Variants in SLC25A10 observed in about 807,000 individuals in gnomAD.
The protein encoded by SLC25A10 is mitochondrial dicarboxylate carrier.
Under a neutral mutation model 40.4 loss-of-function variants are expected in SLC25A10, and 32 were observed. The ratio of observed to expected loss-of-function variants is 0.79; its 90% confidence interval spans 0.60 to 1.06. The LOEUF (loss-of-function observed/expected upper bound fraction) is 1.06, where lower values mean the gene tolerates loss of function less well. Among genes scored for constraint, SLC25A10 ranks in the 50% least tolerant of loss-of-function variants. The probability of loss-of-function intolerance (pLI) is 0.00; values close to 1 mark genes in which losing one functional copy is unlikely to be tolerated. For synonymous variants in SLC25A10, 181 were observed against 171.1 expected, an observed-to-expected ratio of 1.06 and a Z score of -0.45; for missense variants, 394 against 402.6, an observed-to-expected ratio of 0.98 and a Z score of 0.18.
chr17:81,713,631 G>C (rs536195192), intron 1 of SLC25A10: 1 of 305,636 alleles, frequency 3.3e-6, no homozygotes, highest in Admixed American at 6.5e-5. Flanking sequence ...GAAGGCGCTG[G>C]CATGGGCAGA....
In SLC25A10 at chr17:81,715,498, G is replaced by A; in HGVS notation, c.234G>A (p.Arg78=). 1.2e-6 allele frequency: 2 copies of A among 1,612,774 alleles called. No homozygotes were observed. The highest frequency in any genetic ancestry group is 4.5e-5 in the East Asian group (2 of 44,864). ...LCRQMTYSLT[R]FAIYETVRDR... is the part of the protein sequence containing the mutation. ...CCCAGATGACCTACTCCCTGACTCGGTTCGCCATCTACGAGACTGTGCGGG... is the reference window on the plus strand; with the variant it reads ...CCCAGATGACCTACTCCCTGACTCGATTCGCCATCTACGAGACTGTGCGGG... Residue 78 remains arginine (R), a synonymous_variant, in exon 3 of 11, where the codon CGG becomes CGA. Coordinates refer to ENST00000350690, the MANE Select transcript of SLC25A10 (RefSeq NM_012140.5).
chr17:81,718,528 G>T (rs1300882788), intron 9 of SLC25A10, among the ~76,000 whole-genome samples: 3 of 152,218 alleles, frequency 2.0e-5, no homozygotes, highest in African/African-American at 7.2e-5. Flanking sequence ...GGTGGTGCAT[G>T]CCTGTAGTTC....
In SLC25A10 at chr17:81,716,869, G is replaced by A; in HGVS notation, c.463+14G>A. Reference sequence around the variant, plus strand: ...TAGCTCGTGAAGGTGAGGGGCAGGTGCTGTGCACAGGCAGGGTTCTGGGGG... The same window carrying A: ...TAGCTCGTGAAGGTGAGGGGCAGGTACTGTGCACAGGCAGGGTTCTGGGGG... On this transcript the variant is annotated intron_variant, in intron 6 of 10. Transcript: ENST00000350690. The A allele has an allele frequency of 6.2e-7, 1 of 1,610,936 alleles. No homozygotes were observed. Among genetic ancestry groups the A allele is most frequent in the Non-Finnish European group, 8.5e-7 (1 of 1,178,878 alleles).
At position 81,714,887 on chromosome 17, in the gene SLC25A10, C is replaced by G. The variant is rs768566123; in HGVS notation, c.94-66C>G. The G allele has an allele frequency of 1.9e-6, 3 of 1,579,464 alleles. No individual in the cohort carries two copies. The African/African-American group carries it at 4.1e-5, about 22-fold the overall frequency. The stretch of plus-strand genomic sequence containing the variant: ...CTGCCTCCTGCCTCAGTTTCCCCCT[C>G]TCTGGATGAACCTGGCACCGATCCC... On this transcript the variant is annotated intron_variant, in intron 1 of 10. Coordinates refer to ENST00000350690, the MANE Select transcript of SLC25A10 (RefSeq NM_012140.5).
At position 81,714,946 on chromosome 17, in the gene SLC25A10, C is replaced by A. The variant is rs756570550; in HGVS notation, c.94-7C>A. 6 of 1,606,838 alleles carry A rather than the reference C, an allele frequency of 3.7e-6. No individual in the cohort carries two copies. The highest frequency in any genetic ancestry group is 1.1e-5 in the South Asian group (1 of 90,966). ...GCTGTGGGGTCTGAGAGCACTCACT[C>A]CCGCAGGTGCATCTGCAGACGCAGC... On this transcript the variant is annotated splice_polypyrimidine_tract_variant and splice_region_variant and intron_variant, in intron 1 of 10. Transcript: ENST00000350690.
chr17:81,716,172 C>T, intron 5 of SLC25A10, 122 bp downstream of exon 5: 4 of 1,078,232 alleles, frequency 3.7e-6, no homozygotes, highest in Non-Finnish European at 5.4e-6. Context: ...CTGCACGGTC[C>T]ATGGAGGGTC....
In SLC25A10 at chr17:81,717,866, G is replaced by C. The variant is rs2037518361; in HGVS notation, c.705+5G>C. The C allele has an allele frequency of 1.2e-6, 2 of 1,602,782 alleles. No individual in the cohort carries two copies. Among genetic ancestry groups the C allele is most frequent in the Admixed American group, 3.4e-5 (2 of 59,216 alleles). On this transcript the variant is annotated splice_donor_5th_base_variant and intron_variant, in intron 9 of 10. Coordinates refer to ENST00000350690, the MANE Select transcript of SLC25A10 (RefSeq NM_012140.5). ...AACTCCAAGGGGGAGTATCAGGTGA[G>C]TGGGGCCCTGCCTGTGCAGTTGGGC... is the stretch of plus-strand genomic sequence containing the variant.
In SLC25A10 at chr17:81,717,332, G is replaced by A. The variant is rs2037506831; in HGVS notation, c.535-67G>A. Reference sequence around the variant, plus strand: ...GGCCATTGCCAGGTGGTGTCGCCTGGGGCCCTGTGTGCTTTCCCCAAGCTG... The same window carrying A: ...GGCCATTGCCAGGTGGTGTCGCCTGAGGCCCTGTGTGCTTTCCCCAAGCTG... On this transcript the variant is annotated intron_variant, in intron 7 of 10. Transcript: ENST00000350690. 4 of 1,494,140 alleles carry A rather than the reference G, an allele frequency of 2.7e-6. No individual in the cohort carries two copies. In the East Asian group the frequency reaches 6.8e-5, roughly 25 times the overall value. The allele number at this position is 1,494,140 out of a possible 1,614,324, so 92.6% of individuals were successfully genotyped here.
Position 81,712,462 on chromosome 17 carries a change from CGGGGGGCT to C in SLC25A10, c.39_46del (p.Gly14LeufsTer138). 7.6e-7 allele frequency: 1 copy of C among 1,309,852 alleles called. No individual in the cohort carries two copies. Among genetic ancestry groups the C allele is most frequent in the East Asian group, 3.1e-5 (1 of 32,236 alleles). 81.1% of individuals were successfully genotyped at this position (1,309,852 alleles called of 1,614,324 possible). ...AGGCGCGCGTGTCGCGCTGGTACTT[CGGGGGGCT>C]GGCCTCCTGCGGGGCCGCCTGCTGC... On this transcript the variant is annotated frameshift_variant, in exon 1 of 11. Transcript: ENST00000350690. LOFTEE classifies it high-confidence loss of function.
Position 81,720,615 on chromosome 17 carries a change from C to A in SLC25A10, c.*538C>A. 1 of 961,054 alleles carries A rather than the reference C, an allele frequency of 1.0e-6. No individual in the cohort carries two copies. Among genetic ancestry groups the A allele is most frequent in the Non-Finnish European group, 1.4e-6 (1 of 734,112 alleles). 59.5% of individuals were successfully genotyped at this position (961,054 alleles called of 1,614,324 possible). A position where few individuals can be genotyped will look rare whatever the true frequency, so the allele number is the denominator to read the frequency against. On this transcript the variant is annotated 3_prime_UTR_variant, in exon 11 of 11. Transcript: ENST00000350690. ...CCCGCAGCTGGGTGGGATGAACAAG[C>A]AACGCAGACCACAAGCGAGTGCCTG...
At chr17:81,715,930 G>A in intron 4 of SLC25A10, 79 bp from the exon 5 acceptor site, 1 of 1,498,270 alleles carries the variant, frequency 6.7e-7, no homozygotes, top group Non-Finnish European at 9.1e-7. Context: ...CCGCTGACCA[G>A]CGTGAGCTCC....
rs760717665 is a variant in SLC25A10 at position 81,720,738 on chromosome 17, CAGTT to C, written c.*666_*669del. 23 of 383,864 alleles carry C rather than the reference CAGTT, an allele frequency of 6.0e-5. No homozygotes were observed. Among genetic ancestry groups the C allele is most frequent in the East Asian group, 4.5e-4 (12 of 26,678 alleles). 23.8% of individuals were successfully genotyped at this position (383,864 alleles called of 1,614,324 possible). A position where few individuals can be genotyped will look rare whatever the true frequency, so the allele number is the denominator to read the frequency against. On this transcript the variant is annotated 3_prime_UTR_variant, in exon 11 of 11. Transcript: ENST00000350690. ...GCTGCCTGCCCTGCAGTGGCTTTAACAGTTAGTTTTGCCAAAGCCTCTCCACTCA... is the reference window on the plus strand; with the variant it reads ...GCTGCCTGCCCTGCAGTGGCTTTAACAGTTTTGCCAAAGCCTCTCCACTCA...
intron 7 of SLC25A10, 112 bp downstream of exon 7, chr17:81,717,184 C>A: frequency 7.9e-7 from 1 of 1,263,266 alleles, no homozygotes; most frequent in East Asian, 2.4e-5. Context: ...GGGGAGCCAC[C>A]AGCTGTGACC....
rs979745628 is a variant in SLC25A10 at position 81,713,368 on chromosome 17, C to A, written c.93+849C>A. On this transcript the variant is annotated intron_variant, in intron 1 of 10. Coordinates refer to ENST00000350690, the MANE Select transcript of SLC25A10 (RefSeq NM_012140.5). ...GCCCAGCAGGCCCTGCCCTGTGAAC[C>A]TGGCTGTGGTCACTGGGCAGCCGCC... is the stretch of plus-strand genomic sequence containing the variant. 2.1e-5 allele frequency: 17 copies of A among 820,350 alleles called. No homozygotes were observed. In the African/African-American group the frequency reaches 2.6e-4, roughly 13 times the overall value. 50.8% of individuals were successfully genotyped at this position (820,350 alleles called of 1,614,324 possible).
chr17:81,712,293 G>T lies in SLC25A10; in HGVS notation c.-134G>T, dbSNP rs940212650. The T allele has an allele frequency of 2.8e-6, 1 of 360,310 alleles. No homozygotes were observed. The highest frequency in any genetic ancestry group is 4.1e-6 in the Non-Finnish European group (1 of 243,872). 22.3% of individuals were successfully genotyped at this position (360,310 alleles called of 1,614,324 possible). On this transcript the variant is annotated 5_prime_UTR_variant, in exon 1 of 11. Transcript: ENST00000350690. ...CCCGGGGCGCGCGCGCGCATTGGCT[G>T]TGCGGGGTGCGGGCGCGCGGGCGGC...
Position 81,719,885 on chromosome 17 carries a change from A to T in SLC25A10, c.760A>T (p.Lys254Ter). ...GAAGCTCGGGCCTCTGGCCTTTTAC[A>T]AGGTGCAGTGGTGGCGGCAGTGGCG... ...TAKLGPLAFY[K>*]GLVPAGIRLI... The change falls in exon 10 of 11, where the codon AAG (lysine) becomes TAG (stop). Residue 254 changes from lysine to a stop codon, truncating the protein, a stop_gained and splice_region_variant. Coordinates refer to ENST00000350690, the MANE Select transcript of SLC25A10 (RefSeq NM_012140.5). LOFTEE classifies it high-confidence loss of function. The T allele has an allele frequency of 6.2e-7, 1 of 1,613,808 alleles. No individual in the cohort carries two copies. Among genetic ancestry groups the T allele is most frequent in the Non-Finnish European group, 8.5e-7 (1 of 1,179,988 alleles).
At position 81,715,472 on chromosome 17, in the gene SLC25A10, C is replaced by A. The variant is rs369343223; in HGVS notation, c.214-6C>A. 8.8e-5 allele frequency: 141 copies of A among 1,610,524 alleles called. No homozygotes were observed. Among genetic ancestry groups the A allele is most frequent in the Non-Finnish European group, 1.1e-4 (130 of 1,178,062 alleles). Reference sequence around the variant, plus strand: ...CGTCCCTCCAAGCCAGGCCCTTCTCCCCCAGATGACCTACTCCCTGACTCG... The same window carrying A: ...CGTCCCTCCAAGCCAGGCCCTTCTCACCCAGATGACCTACTCCCTGACTCG... On this transcript the variant is annotated splice_polypyrimidine_tract_variant and splice_region_variant and intron_variant, in intron 2 of 10. Coordinates refer to ENST00000350690, the MANE Select transcript of SLC25A10 (RefSeq NM_012140.5).
intron 5 of SLC25A10, 94 bp from the exon 6 acceptor site, chr17:81,716,718 G>T (rs550313327): frequency 1.5e-6 from 2 of 1,348,144 alleles, no homozygotes; most frequent in Admixed American, 2.0e-5. Context: ...CTGCTTCCTC[G>T]AGAACCCCCG....
At chr17:81,719,725 T>C (rs531601925) in intron 9 of SLC25A10, 106 bp from the exon 10 acceptor site, 82 of 1,322,886 alleles carry the variant, frequency 6.2e-5, no homozygotes, top group Admixed American at 1.2e-4. Flanking sequence ...ACACCCCACA[T>C]TGAGAATGCC....
Sources: gnomAD v4.1 joint callset for allele counts (sites outside exome capture counted in the v4.1 genomes callset) on GRCh38, gnomAD v4.1.1 for gene constraint, MANE v1.5 for transcripts, NCBI Gene and HGNC (gene_info 2026-07-23, HGNC 2026-07-21) for gene names.